The following EXOC6B variants were observed in gnomAD, a reference collection of about 807,000 sequenced individuals.
The protein encoded by EXOC6B is exocyst complex component 6B.
A neutral mutation model predicts 113.5 loss-of-function variants in EXOC6B; 54 were observed. That is an observed-to-expected ratio of 0.48 (90% CI 0.38 to 0.60). EXOC6B has a LOEUF of 0.60. Ranked by LOEUF, EXOC6B falls within the 20% of genes least tolerant of loss-of-function variation. EXOC6B has a pLI of 0.00. For synonymous variants in EXOC6B, 357 were observed against 339.0 expected, an observed-to-expected ratio of 1.05 and a Z score of -0.58; for missense variants, 797 against 977.5, an observed-to-expected ratio of 0.82 and a Z score of 2.46.
At chr2:72,258,266 T>C (rs1190846529) in intron 20 of EXOC6B, among the ~76,000 whole-genome samples, 1 of 152,136 alleles carries the variant, frequency 6.6e-6, no homozygotes, top group Non-Finnish European at 1.5e-5. Context: ...ACAGGGTTGA[T>C]GTTTGTTTTA....
intron 6 of EXOC6B, among the ~76,000 whole-genome samples, chr2:72,605,285 C>CAA (rs777656180): frequency 4.8e-5 from 5 of 104,720 alleles, no homozygotes; most frequent in African/African-American, 1.8e-4. Context: ...CTCTGTCTCC[C>CAA]AAAAAAAAAA....
rs369301376 is a variant in EXOC6B at position 72,679,052 on chromosome 2, A to C, written c.669+39051T>G. 1.5e-4 allele frequency among the ~76,000 whole-genome samples: 23 copies of C among 152,242 alleles called. 2 individuals are homozygous for C. The highest frequency in any genetic ancestry group is 4.6e-4 in the African/African-American group (19 of 41,546). On this transcript the variant is annotated intron_variant, in intron 6 of 21. Coordinates refer to ENST00000272427, the MANE Select transcript of EXOC6B (RefSeq NM_015189.3). ...TTCTCCCCAGAAATACATGCAGATA[A>C]ACACATCTTGCATATAATCTCTTTT... is the stretch of plus-strand genomic sequence containing the variant.
intron 6 of EXOC6B, among the ~76,000 whole-genome samples, chr2:72,668,446 C>CAA (rs112001284): frequency 8.8e-4 from 121 of 137,654 alleles, no homozygotes; most frequent in African/African-American, 3.0e-3. Flanking sequence ...ATTGTTCTAC[C>CAA]AAAAAAAAAA....
In EXOC6B at chr2:72,562,213, G is replaced by A. The variant is rs577822534; in HGVS notation, c.847-2692C>T. ...AAATCACAACTACAGAAAGGCAAAA[G>A]GAGAAGAGCAACATACATTGGATGT... On this transcript the variant is annotated intron_variant, in intron 7 of 21. Transcript: ENST00000272427. Among the ~76,000 whole-genome samples, 6 of 152,132 alleles carry A rather than the reference G, an allele frequency of 3.9e-5. No individual in the cohort carries two copies. The East Asian group carries it at 1.2e-3, about 29-fold the overall frequency.
At chr2:72,401,217 T>C (rs904027005) in intron 18 of EXOC6B, among the ~76,000 whole-genome samples, 3 of 151,126 alleles carry the variant, frequency 2.0e-5, no homozygotes, top group Non-Finnish European at 4.4e-5. Flanking sequence ...CCCCAGCACT[T>C]TGGGGAGGCT....
At chr2:72,443,604 G>A (rs1696364769) in intron 18 of EXOC6B, among the ~76,000 whole-genome samples, 1 of 152,104 alleles carries the variant, frequency 6.6e-6, no homozygotes, top group Non-Finnish European at 1.5e-5. Context: ...AATAAAAAGA[G>A]GTTTAATAGA....
chr2:72,409,605 A>T (rs2105215025), intron 18 of EXOC6B, among the ~76,000 whole-genome samples: 1 of 152,166 alleles, frequency 6.6e-6, no homozygotes, highest in East Asian at 1.9e-4. Flanking sequence ...TTCTCAGCAA[A>T]CTATAGCAAG....
At chr2:72,747,735 T>A (rs915090573) in intron 1 of EXOC6B, among the ~76,000 whole-genome samples, 2 of 152,040 alleles carry the variant, frequency 1.3e-5, no homozygotes, top group African/African-American at 4.8e-5. Flanking sequence ...ACCTAGGCCA[T>A]TCTTCTCCTT....
intron 20 of EXOC6B, among the ~76,000 whole-genome samples, chr2:72,237,366 T>C (rs1201971875): frequency 6.6e-6 from 1 of 152,182 alleles, no homozygotes; most frequent in Non-Finnish European, 1.5e-5. Flanking sequence ...TTAGAGAATA[T>C]AATCAAGAGG....
rs149026404 is a variant in EXOC6B at position 72,716,725 on chromosome 2, T to C, written c.669+1378A>G. 2.4e-4 allele frequency among the ~76,000 whole-genome samples: 37 copies of C among 152,240 alleles called. 1 individual carries two copies. The East Asian group carries it at 7.0e-3, about 29-fold the overall frequency. ...AGGCAAGTTACTTCCCTCCTCTGGGTCTTAATTTCTTCAGATAATTAAGGA... is the reference window on the plus strand; with the variant it reads ...AGGCAAGTTACTTCCCTCCTCTGGGCCTTAATTTCTTCAGATAATTAAGGA... On this transcript the variant is annotated intron_variant, in intron 6 of 21. Transcript: ENST00000272427.
Position 72,356,591 on chromosome 2 carries a change from G to A in EXOC6B, c.2123-21571C>T, listed in dbSNP as rs181010028. ...AACTAACATTACCCCAAAGTAAACAGTATAAGGCAGACTATATGAGAGAGT... is the reference window on the plus strand; with the variant it reads ...AACTAACATTACCCCAAAGTAAACAATATAAGGCAGACTATATGAGAGAGT... On this transcript the variant is annotated intron_variant, in intron 19 of 21. Coordinates refer to ENST00000272427, the MANE Select transcript of EXOC6B (RefSeq NM_015189.3). Among the ~76,000 whole-genome samples the A allele has an allele frequency of 2.6e-3, 397 of 152,208 alleles. 1 individual carries two copies. The highest frequency in any genetic ancestry group is 9.0e-3 in the African/African-American group (373 of 41,538).
At chr2:72,626,295 T>G (rs1672045281) in intron 6 of EXOC6B, among the ~76,000 whole-genome samples, 1 of 152,166 alleles carries the variant, frequency 6.6e-6, no homozygotes, top group Non-Finnish European at 1.5e-5. Flanking sequence ...TAACAAGATT[T>G]CAGCAACTCC....
intron 6 of EXOC6B, among the ~76,000 whole-genome samples, chr2:72,657,723 A>G (rs2104433421): frequency 6.6e-6 from 1 of 151,594 alleles, no homozygotes; most frequent in East Asian, 1.9e-4. Context: ...TTTGTGGAAT[A>G]GTCATTACAC....
At chr2:72,652,258 G>A (rs1156645811) in intron 6 of EXOC6B, among the ~76,000 whole-genome samples, 1 of 151,586 alleles carries the variant, frequency 6.6e-6, no homozygotes. Context: ...CTTTGAAAGA[G>A]AAAGGAGGCC....
chr2:72,345,747 T>C (rs762371245), intron 19 of EXOC6B, among the ~76,000 whole-genome samples: 39 of 152,288 alleles, frequency 2.6e-4, no homozygotes, highest in Non-Finnish European at 5.0e-4. Flanking sequence ...AAAATTACAA[T>C]GGCAGATTCA....
intron 6 of EXOC6B, among the ~76,000 whole-genome samples, chr2:72,671,714 A>AG (rs529996440): frequency 1.9e-4 from 28 of 150,642 alleles, no homozygotes; most frequent in Non-Finnish European, 4.0e-4. Context: ...AAAAAGAAAA[A>AG]GAAGGAAAGA....
At chr2:72,763,470 C>T (rs753489719) in intron 1 of EXOC6B, among the ~76,000 whole-genome samples, 2 of 151,508 alleles carry the variant, frequency 1.3e-5, no homozygotes, top group Admixed American at 6.6e-5. Context: ...CTCTGGCACC[C>T]AGGCTGGAGT....
At chr2:72,651,369 G>A (rs1251124889) in intron 6 of EXOC6B, among the ~76,000 whole-genome samples, 1 of 152,138 alleles carries the variant, frequency 6.6e-6, no homozygotes, top group Non-Finnish European at 1.5e-5. Context: ...ATAAAATACA[G>A]GAAATTACAA....
chr2:72,464,997 A>G, intron 18 of EXOC6B, 163 bp downstream of exon 18: 1 of 619,728 alleles, frequency 1.6e-6, no homozygotes, highest in South Asian at 2.2e-5. Context: ...AAAATGATGG[A>G]AGTAGCCTCT....
Sources: gnomAD v4.1 joint callset for allele counts (sites outside exome capture counted in the v4.1 genomes callset) on GRCh38, gnomAD v4.1.1 for gene constraint, MANE v1.5 for transcripts, NCBI Gene and HGNC (gene_info 2026-07-23, HGNC 2026-07-21) for gene names.